The following ANKDD1B variants were observed in gnomAD, a reference collection of about 807,000 sequenced individuals.
ANKDD1B encodes ankyrin repeat and death domain-containing protein 1B.
ANKDD1B carries 57 observed loss-of-function variants against 59.7 expected under a neutral mutation model. The ratio of observed to expected loss-of-function variants is 0.95; its 90% CI spans 0.77 to 1.19. The LOEUF is 1.19. ANKDD1B is among the 50% of genes most tolerant of loss of function. The probability of loss-of-function intolerance (pLI) is 0.00; values close to 1 mark genes in which losing one functional copy is unlikely to be tolerated. For synonymous variants in ANKDD1B, 216 were observed against 239.5 expected, an observed-to-expected ratio of 0.90 and a Z score of 0.91; for missense variants, 602 against 641.9, an observed-to-expected ratio of 0.94 and a Z score of 0.67.
chr5:75,612,819 C>G (rs1773607249), intron 1 of ANKDD1B, among the ~76,000 whole-genome samples: 1 of 152,126 alleles, frequency 6.6e-6, no homozygotes, highest in Admixed American at 6.5e-5. Context: ...AAAGCATGAG[C>G]AAGTGGTATA....
chr5:75,660,656 T>C (rs1288648772), intron 10 of ANKDD1B, among the ~76,000 whole-genome samples: 1 of 152,210 alleles, frequency 6.6e-6, no homozygotes, highest in African/African-American at 2.4e-5. Context: ...GAATGTTATA[T>C]AGGAGGTCCC....
chr5:75,654,296 A>T (rs1438920631), intron 8 of ANKDD1B, among the ~76,000 whole-genome samples: 1 of 152,146 alleles, frequency 6.6e-6, no homozygotes, highest in African/African-American at 2.4e-5. Context: ...CAGATGGTAG[A>T]GTCAGAAAGG....
intron 7 of ANKDD1B, among the ~76,000 whole-genome samples, chr5:75,639,107 T>C (rs1482671766): frequency 1.3e-5 from 2 of 152,232 alleles, no homozygotes; most frequent in Non-Finnish European, 2.9e-5. Flanking sequence ...TTTTAATAAA[T>C]GTTTTTCCCA....
intron 1 of ANKDD1B, 135 bp downstream of exon 1, chr5:75,611,962 C>G: frequency 1.5e-6 from 1 of 683,130 alleles, no homozygotes; most frequent in Non-Finnish European, 2.1e-6. Context: ...CCCTGGGACC[C>G]CGAGTCCCAG....
intron 5 of ANKDD1B, 52 bp downstream of exon 5, chr5:75,626,007 C>G: frequency 7.7e-7 from 1 of 1,306,268 alleles, no homozygotes; most frequent in Non-Finnish European, 1.1e-6. Flanking sequence ...TCAAATTTCA[C>G]TTTCTTCCTG....
chr5:75,654,981 C>G (rs759361658), intron 8 of ANKDD1B, among the ~76,000 whole-genome samples: 2 of 152,202 alleles, frequency 1.3e-5, no homozygotes, highest in Admixed American at 1.3e-4. Context: ...CCCCTCACCT[C>G]CCTCTCTCTC....
intron 9 of ANKDD1B, among the ~76,000 whole-genome samples, chr5:75,657,129 T>C (rs1774999080): frequency 6.6e-6 from 1 of 152,238 alleles, no homozygotes; most frequent in South Asian, 2.1e-4. Context: ...ATATCTAAAA[T>C]CTTTCCCAAT....
At chr5:75,668,699 CAGTG>C (rs1165008944) in intron 12 of ANKDD1B, among the ~76,000 whole-genome samples, 2 of 152,210 alleles carry the variant, frequency 1.3e-5, no homozygotes, top group Non-Finnish European at 2.9e-5. Flanking sequence ...CTGAGATATG[CAGTG>C]AGTATTTATC....
intron 7 of ANKDD1B, among the ~76,000 whole-genome samples, chr5:75,637,053 CCTG>C (rs2112981500): frequency 6.6e-6 from 1 of 151,650 alleles, no homozygotes; most frequent in Non-Finnish European, 1.5e-5. Flanking sequence ...TTGAGACCAG[CCTG>C]GCCAACATGT....
intron 7 of ANKDD1B, among the ~76,000 whole-genome samples, chr5:75,641,038 GA>G (rs761104097): frequency 6.6e-6 from 1 of 151,946 alleles, no homozygotes; most frequent in Non-Finnish European, 1.5e-5. Flanking sequence ...AGAAGACGCT[GA>G]AAAAAAAGTT....
Position 75,659,278 on chromosome 5 carries a change from G to A in ANKDD1B, c.997-5G>A, listed in dbSNP as rs1173488552. Reference sequence around the variant, plus strand: ...AGTTTGTTCCCCTCCTTAATTTCATGGCAGAAGCAGCAAACCCCTCTGCAT... The same window carrying A: ...AGTTTGTTCCCCTCCTTAATTTCATAGCAGAAGCAGCAAACCCCTCTGCAT... On this transcript the variant is annotated splice_region_variant and splice_polypyrimidine_tract_variant and intron_variant, in intron 9 of 13. Coordinates refer to ENST00000601380, the MANE Select transcript of ANKDD1B (RefSeq NM_001276713.2). 8 of 1,533,802 alleles carry A rather than the reference G, an allele frequency of 5.2e-6. No homozygotes were observed. Among genetic ancestry groups the A allele is most frequent in the African/African-American group, 1.4e-5 (1 of 72,944 alleles).
intron 7 of ANKDD1B, among the ~76,000 whole-genome samples, chr5:75,637,515 A>AT (rs1774351182): frequency 6.6e-6 from 1 of 152,094 alleles, no homozygotes; most frequent in Non-Finnish European, 1.5e-5. Flanking sequence ...TATCATAATC[A>AT]TTTACCTTAA....
chr5:75,651,535 G>A (rs1007017034), intron 7 of ANKDD1B, among the ~76,000 whole-genome samples: 1 of 152,216 alleles, frequency 6.6e-6, no homozygotes, highest in Admixed American at 6.5e-5. Context: ...GAAGCTGCAA[G>A]TAGAAATTAT....
chr5:75,615,614 C>T (rs1773695308), intron 1 of ANKDD1B, among the ~76,000 whole-genome samples: 1 of 151,844 alleles, frequency 6.6e-6, no homozygotes, highest in African/African-American at 2.4e-5. Flanking sequence ...CTTCTTAGGC[C>T]TCTCTCCTTG....
rs1460701031 is a variant in ANKDD1B at position 75,663,436 on chromosome 5, A to C, written c.1138A>C (p.Ser380Arg). Residue 380 changes from serine (S) to arginine (R), a missense_variant, in exon 11 of 14, where the codon AGC (serine) becomes CGC (arginine). Around this residue, in one of 3 missense-constraint regions of ANKDD1B, gnomAD observed 280 missense variants for 319.8 expected, o/e 0.88. Transcript: ENST00000601380. ...ALAVASRSNH[S>R]LVVGMLIKAE... The stretch of plus-strand genomic sequence containing the variant: ...GGCTGTGGCCTCCAGGAGCAACCAT[A>C]GCCTTGTCGTGGGCATGCTCATTAA... The C allele has an allele frequency of 1.3e-6, 2 of 1,536,268 alleles. No homozygotes were observed. Among genetic ancestry groups the C allele is most frequent in the African/African-American group, 2.7e-5 (2 of 73,012 alleles).
intron 5 of ANKDD1B, among the ~76,000 whole-genome samples, chr5:75,630,929 A>G (rs751021146): frequency 6.6e-6 from 1 of 152,214 alleles, no homozygotes; most frequent in Non-Finnish European, 1.5e-5. Flanking sequence ...AAGAAATAAA[A>G]ATAATCTGTC....
chr5:75,624,886 C>A (rs1028764788), intron 3 of ANKDD1B, among the ~76,000 whole-genome samples: 3 of 152,054 alleles, frequency 2.0e-5, no homozygotes, highest in African/African-American at 4.8e-5. Context: ...ATCTTATTTT[C>A]CATATTTAGC....
At chr5:75,620,994 G>A (rs1773833279) in intron 3 of ANKDD1B, among the ~76,000 whole-genome samples, 1 of 152,172 alleles carries the variant, frequency 6.6e-6, no homozygotes, top group Non-Finnish European at 1.5e-5. Flanking sequence ...GGACCAAGTA[G>A]GGGAGGGTAA....
Position 75,620,419 on chromosome 5 carries a change from C to G in ANKDD1B, c.396+6C>G, listed in dbSNP as rs1209333673. On this transcript the variant is annotated splice_donor_region_variant and intron_variant, in intron 3 of 13. Coordinates refer to ENST00000601380, the MANE Select transcript of ANKDD1B (RefSeq NM_001276713.2). ...GGGTGGATGTTGCTGATAAGGTAAGCTCATCTTGAGTAGAACAAGTTGGAG... is the reference window on the plus strand; with the variant it reads ...GGGTGGATGTTGCTGATAAGGTAAGGTCATCTTGAGTAGAACAAGTTGGAG... The G allele has an allele frequency of 6.7e-7, 1 of 1,503,062 alleles. No homozygotes were observed. The highest frequency in any genetic ancestry group is 8.9e-7 in the Non-Finnish European group (1 of 1,117,718). The allele number at this position is 1,503,062 out of a possible 1,614,324, so 93.1% of individuals were successfully genotyped here. A position where few individuals can be genotyped will look rare whatever the true frequency, so the allele number is the denominator to read the frequency against.
Sources: gnomAD v4.1 joint callset for allele counts (sites outside exome capture counted in the v4.1 genomes callset) on GRCh38, gnomAD v4.1.1 for gene constraint, gnomAD v4.1.1 regional missense constraint, MANE v1.5 for transcripts, NCBI Gene and HGNC (gene_info 2026-07-23, HGNC 2026-07-21) for gene names.